AGAP5: variants seen among roughly 807,000 people sequenced by gnomAD.
AGAP5 encodes the protein arf-GAP with GTPase, ANK repeat and PH domain-containing protein 5.
A neutral mutation model predicts 27.7 loss-of-function variants in AGAP5; 8 were observed. The observed-to-expected ratio is 0.29, with a 90% CI of 0.17 to 0.52. The LOEUF is 0.52. AGAP5 is among the 20% of genes least tolerant of loss of function. The pLI, the probability that AGAP5 is intolerant of heterozygous loss-of-function variation, is 0.97. For missense variants in AGAP5, 285 were observed against 880.8 expected (o/e 0.32, Z 8.56); for synonymous variants, 111 against 338.0 (o/e 0.33, Z 7.37).
At position 73,697,844 on chromosome 10, in the gene AGAP5, A is replaced by C; in HGVS notation, c.-89T>G. 6.4e-7 allele frequency: 1 copy of C among 1,570,144 alleles called. No homozygotes were observed. The highest frequency in any genetic ancestry group is 8.6e-7 in the Non-Finnish European group (1 of 1,164,452). On this transcript the variant is annotated 5_prime_UTR_variant, in exon 1 of 8. Transcript: ENST00000374094. Reference sequence around the variant, plus strand: ...CTGTCCTAGGCCGAGGCTATGCTGCACTTGCAGAGATGGTCTTCCCGCTCC... The same window carrying C: ...CTGTCCTAGGCCGAGGCTATGCTGCCCTTGCAGAGATGGTCTTCCCGCTCC...
chr10:73,695,258 C>T (rs1373742068), intron 2 of AGAP5, among the ~76,000 whole-genome samples: 1 of 152,006 alleles, frequency 6.6e-6, no homozygotes, highest in Non-Finnish European at 1.5e-5. Context: ...CTGTCACTTC[C>T]ATTTCATTCT....
intron 6 of AGAP5, among the ~76,000 whole-genome samples, chr10:73,677,381 T>A (rs1245987630): frequency 1.0e-3 from 97 of 93,960 alleles, no homozygotes; most frequent in African/African-American, 3.8e-3. Context: ...CTGTTCTTTT[T>A]TTTTTTTTTT....
At chr10:73,688,038 T>C (rs904676601) in intron 4 of AGAP5, among the ~76,000 whole-genome samples, 25 of 151,300 alleles carry the variant, frequency 1.7e-4, no homozygotes, top group African/African-American at 5.3e-4. Context: ...CAAGGTCAGT[T>C]GCAAATCTCT....
At chr10:73,686,138 T>C (rs1416642739) in intron 4 of AGAP5, among the ~76,000 whole-genome samples, 1 of 152,144 alleles carries the variant, frequency 6.6e-6, no homozygotes, top group African/African-American at 2.4e-5. Flanking sequence ...AGGCATGACA[T>C]TACCTGATTT....
chr10:73,685,895 G>A (rs1330635721), intron 4 of AGAP5, among the ~76,000 whole-genome samples: 1 of 152,102 alleles, frequency 6.6e-6, no homozygotes, highest in Admixed American at 6.6e-5. Context: ...AAACATTGCT[G>A]AATGAAGTCA....
rs901153659 is a variant in AGAP5, at chr10:73,675,284, G to T, written c.1376C>A (p.Thr459Asn). 2 of 1,611,918 alleles carry T rather than the reference G, an allele frequency of 1.2e-6. No individual in the cohort carries two copies. The highest frequency in any genetic ancestry group is 1.3e-5 in the African/African-American group (1 of 74,638). ...CAGGGCCATGGCCTCGCTCTGGCTGGTCAGCTGGGACTTGCTTTTACTGCT... is the reference window on the plus strand; with the variant it reads ...CAGGGCCATGGCCTCGCTCTGGCTGTTCAGCTGGGACTTGCTTTTACTGCT... ...CESSKSKSQLTSQSEAMALQS... is the reference protein window; with the variant it reads ...CESSKSKSQLNSQSEAMALQS... The change falls in exon 8 of 8, where the codon ACC (threonine) becomes AAC (asparagine). Residue 459 changes from threonine to asparagine, a missense_variant. Transcript: ENST00000374094.
chr10:73,693,030 G>A (rs1429111158), intron 3 of AGAP5, among the ~76,000 whole-genome samples: 4 of 152,076 alleles, frequency 2.6e-5, no homozygotes, highest in Non-Finnish European at 5.9e-5. Flanking sequence ...CCTAAAAAGA[G>A]GCCAGAATAA....
At chr10:73,676,141 C>T in intron 7 of AGAP5, 67 bp from the exon 8 acceptor site, 1 of 1,609,244 alleles carries the variant, frequency 6.2e-7, no homozygotes, top group Non-Finnish European at 8.5e-7. Context: ...CTATAGACAG[C>T]TTACAATTAC....
chr10:73,674,943 C>T lies in AGAP5; in HGVS notation c.1717G>A (p.Glu573Lys), dbSNP rs3887782. Residue 573 changes from glutamate (E) to lysine (K), a missense_variant, in exon 8 of 8, where the codon GAG (glutamate) becomes AAG (lysine). By Grantham distance (56) the Glu-to-Lys change is moderately conservative. Coordinates refer to ENST00000374094, the MANE Select transcript of AGAP5 (RefSeq NM_001144000.4). ...GGTAGTGGGGCCAGAAAGAGCTTCT[C>T]CTCATATTTGGAACGGATCCACCGT... ...KERWIRSKYE[E>K]KLFLAPLPCT... 6.2e-7 allele frequency: 1 copy of T among 1,612,768 alleles called. No homozygotes were observed. Among genetic ancestry groups the T allele is most frequent in the Non-Finnish European group, 8.5e-7 (1 of 1,179,932 alleles).
chr10:73,691,359 CAT>C (rs1478786230), intron 4 of AGAP5, among the ~76,000 whole-genome samples: 2 of 152,036 alleles, frequency 1.3e-5, no homozygotes, highest in Non-Finnish European at 2.9e-5. Context: ...CAGGGAGAAA[CAT>C]AAGATCATGG....
intron 4 of AGAP5, among the ~76,000 whole-genome samples, chr10:73,689,696 G>A (rs1236630311): frequency 6.6e-6 from 1 of 151,526 alleles, no homozygotes; most frequent in Non-Finnish European, 1.5e-5. Context: ...GAGAAGTGAG[G>A]AGACCCTCTG....
chr10:73,691,394 T>C (rs1420366721), intron 4 of AGAP5, among the ~76,000 whole-genome samples: 1 of 152,214 alleles, frequency 6.6e-6, no homozygotes, highest in Non-Finnish European at 1.5e-5. Flanking sequence ...GGTATGCTTT[T>C]ACCTGCTGTG....
chr10:73,688,991 T>G (rs1488547250), intron 4 of AGAP5, among the ~76,000 whole-genome samples: 1 of 148,264 alleles, frequency 6.7e-6, no homozygotes, highest in Non-Finnish European at 1.5e-5. Context: ...CTCTGCCGCC[T>G]CCGCCTCCGC....
chr10:73,691,987 G>A (rs1254083108), intron 4 of AGAP5, 56 bp downstream of exon 4: 1 of 1,392,524 alleles, frequency 7.2e-7, no homozygotes, highest in East Asian at 2.4e-5. Context: ...GAAATCAAGA[G>A]AGACATCCTT....
intron 4 of AGAP5, among the ~76,000 whole-genome samples, chr10:73,687,967 G>A (rs944629864): frequency 2.0e-5 from 3 of 152,104 alleles, no homozygotes; most frequent in African/African-American, 7.2e-5. Context: ...AAGGCAGGTT[G>A]TGAACTTACA....
chr10:73,685,553 CTTTT>C (rs531865280), intron 4 of AGAP5, among the ~76,000 whole-genome samples: 3 of 139,276 alleles, frequency 2.2e-5, no homozygotes, highest in African/African-American at 2.6e-5. Context: ...GGTGGATTAT[CTTTT>C]TTTTTTTTTT....
At chr10:73,677,833 C>T (rs2081992677) in intron 6 of AGAP5, among the ~76,000 whole-genome samples, 2 of 152,178 alleles carry the variant, frequency 1.3e-5, no homozygotes, top group South Asian at 4.1e-4. Context: ...TGGCTGGTTT[C>T]TCAGCATAAA....
At chr10:73,681,219 T>A (rs2082022446) in intron 5 of AGAP5, 1 of 564,580 alleles carries the variant, frequency 1.8e-6, no homozygotes, top group African/African-American at 2.1e-5. Context: ...CCCAGGTGAT[T>A]TCAATCAGCA....
rs1004491908 is a variant in AGAP5 at position 73,692,809 on chromosome 10, AT to A, written c.362-733del. 1.9e-3 allele frequency among the ~76,000 whole-genome samples: 285 copies of A among 150,374 alleles called. 2 individuals carry two copies. The highest frequency in any genetic ancestry group is 6.7e-3 in the African/African-American group (275 of 40,958). ...AGGCACGTGCCACCATGCCTAGCTA[AT>A]TTTTTTTTGTATTTTTAGTAGAGAC... On this transcript the variant is annotated intron_variant, in intron 3 of 7. Coordinates refer to ENST00000374094, the MANE Select transcript of AGAP5 (RefSeq NM_001144000.4).
Sources: allele counts gnomAD v4.1 joint callset (sites outside exome capture counted in the v4.1 genomes callset), GRCh38; gene constraint gnomAD v4.1.1; transcripts MANE v1.5; gene names NCBI Gene and HGNC (gene_info 2026-07-23, HGNC 2026-07-21).